ZC2HC1A: variants seen among roughly 807,000 people sequenced by gnomAD.
ZC2HC1A encodes zinc finger C2HC-type containing 1A.
A neutral mutation model predicts 40.7 loss-of-function variants in ZC2HC1A; 28 were observed. The ratio of observed to expected loss-of-function variants is 0.69; its 90% CI spans 0.51 to 0.94. The LOEUF (loss-of-function observed/expected upper bound fraction) is 0.94, where lower values mean the gene tolerates loss of function less well. Ranked by LOEUF, ZC2HC1A falls within the 40% of genes least tolerant of loss-of-function variation. The pLI is 0.00. For synonymous variants in ZC2HC1A, 129 were observed against 129.2 expected, an observed-to-expected ratio of 1.00 and a Z score of 0.01; for missense variants, 389 against 386.3, an observed-to-expected ratio of 1.01 and a Z score of -0.06.
At position 78,683,342 on chromosome 8, in the gene ZC2HC1A, T is replaced by C. The variant is rs117273873; in HGVS notation, c.211-3125T>C. 1.6e-4 allele frequency among the ~76,000 whole-genome samples: 24 copies of C among 152,238 alleles called. 1 individual carries two copies. Among genetic ancestry groups the C allele is most frequent in the Admixed American group, 1.5e-3 (23 of 15,290 alleles). Reference sequence around the variant, plus strand: ...ACTTCTTCCTGGACATCCAGGTGTTTCCATACATTCTCTGAAATCTAGTCA... The same window carrying C: ...ACTTCTTCCTGGACATCCAGGTGTTCCCATACATTCTCTGAAATCTAGTCA... On this transcript the variant is annotated intron_variant, in intron 3 of 8. Transcript: ENST00000263849.
At chr8:78,714,666 C>T (rs935326551) in intron 7 of ZC2HC1A, among the ~76,000 whole-genome samples, 7 of 152,014 alleles carry the variant, frequency 4.6e-5, no homozygotes, top group African/African-American at 1.7e-4. Flanking sequence ...ACCAGAAGTC[C>T]CTCTGATTTC....
chr8:78,708,045 A>T (rs1386709341), intron 7 of ZC2HC1A, among the ~76,000 whole-genome samples: 1 of 152,132 alleles, frequency 6.6e-6, no homozygotes, highest in Non-Finnish European at 1.5e-5. Context: ...CTGTTAATCT[A>T]TTGGCATGTC....
intron 7 of ZC2HC1A, among the ~76,000 whole-genome samples, chr8:78,700,828 A>G (rs1810578709): frequency 6.6e-6 from 1 of 152,050 alleles, no homozygotes; most frequent in African/African-American, 2.4e-5. Context: ...GTGTGGTCTT[A>G]CTTCTGGGCT....
intron 3 of ZC2HC1A, among the ~76,000 whole-genome samples, chr8:78,682,637 G>A (rs1288605284): frequency 6.6e-6 from 1 of 152,010 alleles, no homozygotes; most frequent in Non-Finnish European, 1.5e-5. Flanking sequence ...ATTTGTATGG[G>A]GACACAGCCA....
At chr8:78,707,148 G>C (rs899745228) in intron 7 of ZC2HC1A, among the ~76,000 whole-genome samples, 1 of 152,164 alleles carries the variant, frequency 6.6e-6, no homozygotes, top group African/African-American at 2.4e-5. Flanking sequence ...CCATATCACA[G>C]AGAATTGGCC....
intron 2 of ZC2HC1A, chr8:78,676,099 G>A (rs556623620): frequency 3.8e-5 from 13 of 339,698 alleles, no homozygotes; most frequent in Non-Finnish European, 5.8e-5. Context: ...CTCATTTTAC[G>A]AGACTCTTAC....
At chr8:78,716,467 A>G (rs192947824) in intron 8 of ZC2HC1A, among the ~76,000 whole-genome samples, 221 of 152,238 alleles carry the variant, frequency 1.5e-3, no homozygotes, top group African/African-American at 5.0e-3. Context: ...CTGTGAGTGC[A>G]TGCATAAGAG....
chr8:78,684,892 A>T (rs1809914272), intron 3 of ZC2HC1A, among the ~76,000 whole-genome samples: 1 of 152,328 alleles, frequency 6.6e-6, no homozygotes, highest in African/African-American at 2.4e-5. Flanking sequence ...ATATTCTTGT[A>T]TAGGTAGACT....
At chr8:78,691,773 T>G (rs1220129363) in intron 5 of ZC2HC1A, among the ~76,000 whole-genome samples, 1 of 152,170 alleles carries the variant, frequency 6.6e-6, no homozygotes, top group African/African-American at 2.4e-5. Flanking sequence ...CCCATATCTA[T>G]GGATATTTTT....
rs759562783 is a variant in ZC2HC1A, at chr8:78,686,589, T to A, written c.333T>A (p.Pro111=). Residue 111 remains proline (P), a synonymous_variant, in exon 4 of 9, where the codon CCT becomes CCA. Transcript: ENST00000263849. Reference sequence around the variant, plus strand: ...AGGGTGGCAAACTTCCTCCTCCTCCTCCACCTTCTTATGATCCTGGTATTT... The same window carrying A: ...AGGGTGGCAAACTTCCTCCTCCTCCACCACCTTCTTATGATCCTGGTATTT... ...LKEGGKLPPP[P]PPSYDPDYIQ... 2.0e-6 allele frequency: 3 copies of A among 1,523,066 alleles called. No individual in the cohort carries two copies. The highest frequency in any genetic ancestry group is 2.4e-5 in the East Asian group (1 of 41,232). The allele number at this position is 1,523,066 out of a possible 1,614,324, so 94.3% of individuals were successfully genotyped here. A position where few individuals can be genotyped will look rare whatever the true frequency, so the allele number is the denominator to read the frequency against.
chr8:78,692,576 G>A (rs1810245453), intron 5 of ZC2HC1A, among the ~76,000 whole-genome samples: 1 of 152,018 alleles, frequency 6.6e-6, no homozygotes, highest in Admixed American at 6.6e-5. Context: ...TTTAGGAGGG[G>A]AGCAGTAAGG....
At chr8:78,667,016 T>C (rs1809318890) in intron 1 of ZC2HC1A, among the ~76,000 whole-genome samples, 1 of 152,328 alleles carries the variant, frequency 6.6e-6, no homozygotes, top group African/African-American at 2.4e-5. Context: ...ACCTTCAGAA[T>C]TGAAAGATCC....
At chr8:78,691,885 T>C (rs914125019) in intron 5 of ZC2HC1A, among the ~76,000 whole-genome samples, 3 of 152,126 alleles carry the variant, frequency 2.0e-5, no homozygotes, top group African/African-American at 7.2e-5. Flanking sequence ...TACTGCCTTA[T>C]TTATATATTT....
In ZC2HC1A at chr8:78,717,651, T is replaced by C. The variant is rs1445029111; in HGVS notation, c.*158T>C. On this transcript the variant is annotated 3_prime_UTR_variant, in exon 9 of 9. Coordinates refer to ENST00000263849, the MANE Select transcript of ZC2HC1A (RefSeq NM_016010.3). ...TAATCTTTTGGCTATATAATGTGTG[T>C]ATGTTTATATGTGTACATATACTGT... The C allele has an allele frequency of 1.5e-5, 10 of 688,036 alleles. No individual in the cohort carries two copies. Among genetic ancestry groups the C allele is most frequent in the Non-Finnish European group, 2.1e-5 (9 of 431,024 alleles). The allele number at this position is 688,036 out of a possible 1,614,324, so 42.6% of individuals were successfully genotyped here.
intron 5 of ZC2HC1A, among the ~76,000 whole-genome samples, chr8:78,697,196 T>C (rs1211776975): frequency 6.6e-6 from 1 of 152,246 alleles, no homozygotes; most frequent in Non-Finnish European, 1.5e-5. Flanking sequence ...CTTTACCATC[T>C]TAATCGTTTT....
At chr8:78,710,878 C>A (rs968962299) in intron 7 of ZC2HC1A, among the ~76,000 whole-genome samples, 2 of 152,062 alleles carry the variant, frequency 1.3e-5, no homozygotes, top group African/African-American at 4.8e-5. Flanking sequence ...AACAAAATGC[C>A]TGCTATGTAT....
chr8:78,668,012 G>A (rs901289830), intron 1 of ZC2HC1A, among the ~76,000 whole-genome samples: 1 of 149,976 alleles, frequency 6.7e-6, no homozygotes, highest in African/African-American at 2.5e-5. Flanking sequence ...GTGTTTAATT[G>A]TGATAAACTG....
chr8:78,714,861 T>A (rs1811051450), intron 7 of ZC2HC1A, among the ~76,000 whole-genome samples: 1 of 152,232 alleles, frequency 6.6e-6, no homozygotes, highest in Admixed American at 6.5e-5. Context: ...CTTGTTTGTT[T>A]ATTTAACCAT....
intron 3 of ZC2HC1A, 34 bp downstream of exon 3, chr8:78,678,713 T>C: frequency 2.0e-6 from 3 of 1,465,686 alleles, no homozygotes; most frequent in African/African-American, 1.4e-5. Flanking sequence ...GTATGAACTT[T>C]GGTGTTATGT....
Sources: allele counts gnomAD v4.1 joint callset (sites outside exome capture counted in the v4.1 genomes callset), GRCh38; gene constraint gnomAD v4.1.1; transcripts MANE v1.5; gene names NCBI Gene and HGNC (gene_info 2026-07-23, HGNC 2026-07-21).